PLAA: variants seen among roughly 807,000 people sequenced by gnomAD.
PLAA encodes phospholipase A2 activating protein.
Under a neutral mutation model 84.1 loss-of-function variants are expected in PLAA, and 48 were observed. That is an observed-to-expected ratio of 0.57 (90% CI 0.45 to 0.73). The LOEUF is 0.73. Ranked by LOEUF, PLAA falls within the 30% of genes least tolerant of loss-of-function variation. PLAA has a pLI of 0.00. For missense variants in PLAA, 903 were observed against 954.7 expected (o/e 0.95, Z 0.71); for synonymous variants, 392 against 336.6 (o/e 1.16, Z -1.80).
At chr9:26,921,455 C>G (rs1317191360) in intron 7 of PLAA, among the ~76,000 whole-genome samples, 1 of 152,204 alleles carries the variant, frequency 6.6e-6, no homozygotes, top group Non-Finnish European at 1.5e-5. Context: ...TGGCCTAGTC[C>G]ATCATACTTT....
Position 26,907,526 on chromosome 9 carries a change from C to G in PLAA, c.1822+308G>C, listed in dbSNP as rs12337864. 5.4e-3 allele frequency: 1,436 copies of G among 264,946 alleles called. 17 individuals carry two copies. Among genetic ancestry groups the G allele is most frequent in the African/African-American group, 0.031 (1,319 of 42,818 alleles). 16.4% of individuals were successfully genotyped at this position (264,946 alleles called of 1,614,324 possible). On this transcript the variant is annotated intron_variant, in intron 13 of 13. Transcript: ENST00000397292. ...CTGCACTCCAGCCTGGGCGACAGAG[C>G]AAGACTCCATTTCAAAAACAAAAAC...
rs1295958198 is a variant in PLAA at position 26,904,751 on chromosome 9, C to T, written c.*760G>A. The T allele has an allele frequency of 6.6e-6, 1 of 152,200 alleles. No individual in the cohort carries two copies. Among genetic ancestry groups the T allele is most frequent in the Non-Finnish European group, 1.5e-5 (1 of 67,982 alleles). The allele number at this position is 152,200 out of a possible 1,614,324, so 9.4% of individuals were successfully genotyped here. On this transcript the variant is annotated 3_prime_UTR_variant, in exon 14 of 14. Coordinates refer to ENST00000397292, the MANE Select transcript of PLAA (RefSeq NM_001031689.3). ...GATAAAATTCAACATGTTCCAAATT[C>T]CCTTTGAAATAATGGAAAATGACAA...
At chr9:26,919,614 T>G in intron 8 of PLAA, 85 bp from the exon 9 acceptor site, 1 of 737,814 alleles carries the variant, frequency 1.4e-6, no homozygotes, top group Non-Finnish European at 2.3e-6. Flanking sequence ...ACAGATGTGT[T>G]CTTTAATAAT....
chr9:26,919,119 A>G (rs75690142), intron 9 of PLAA, 191 bp downstream of exon 9: 19,128 of 421,792 alleles, frequency 0.045, 567 homozygotes, highest in South Asian at 0.096. Context: ...AAAGACAACA[A>G]TTTACTATTA....
chr9:26,928,605 GC>G (rs1395101922), intron 2 of PLAA, among the ~76,000 whole-genome samples, 197 bp from the exon 3 acceptor site: 2 of 152,180 alleles, frequency 1.3e-5, no homozygotes, highest in Non-Finnish European at 2.9e-5. Flanking sequence ...TGGGCGCAAG[GC>G]CTAGCTGTGC....
chr9:26,918,087 T>G (rs1229275741), intron 9 of PLAA, among the ~76,000 whole-genome samples: 1 of 152,116 alleles, frequency 6.6e-6, no homozygotes, highest in Non-Finnish European at 1.5e-5. Flanking sequence ...AATTCAGTAG[T>G]AAGTTACTTT....
Position 26,907,591 on chromosome 9 carries a change from C to CA in PLAA, c.1822+242dup, listed in dbSNP as rs879174540. On this transcript the variant is annotated intron_variant, in intron 13 of 13. Transcript: ENST00000397292. ...AAACAAAGAAAACAAACAACAACAA[C>CA]AAAAAAACAAACTGGTGCATATATG... 16 of 413,040 alleles carry CA rather than the reference C, an allele frequency of 3.9e-5. 1 individual carries two copies. Among genetic ancestry groups the CA allele is most frequent in the Middle Eastern group, 6.3e-4 (1 of 1,596 alleles). 25.6% of individuals were successfully genotyped at this position (413,040 alleles called of 1,614,324 possible).
At chr9:26,945,034 A>G (rs1421812120) in intron 1 of PLAA, among the ~76,000 whole-genome samples, 1 of 152,134 alleles carries the variant, frequency 6.6e-6, no homozygotes, top group Non-Finnish European at 1.5e-5. Context: ...GGCTGAGGCA[A>G]GAGAATCGCT....
intron 2 of PLAA, among the ~76,000 whole-genome samples, chr9:26,928,975 A>G (rs1269286645): frequency 6.6e-6 from 1 of 152,122 alleles, no homozygotes; most frequent in Non-Finnish European, 1.5e-5. Context: ...AGGCAGGCGG[A>G]TTGCTTGAGC....
chr9:26,915,058 C>A (rs1824506771), intron 10 of PLAA, among the ~76,000 whole-genome samples: 1 of 151,700 alleles, frequency 6.6e-6, no homozygotes, highest in East Asian at 1.9e-4. Context: ...ACTAAAAATA[C>A]AAAATTAGCT....
chr9:26,936,441 C>G (rs937882816), intron 1 of PLAA, among the ~76,000 whole-genome samples: 3 of 152,204 alleles, frequency 2.0e-5, no homozygotes, highest in African/African-American at 7.2e-5. Context: ...GTTTTCCCAC[C>G]TAGACAACGA....
At chr9:26,931,324 G>A (rs186480777) in intron 2 of PLAA, among the ~76,000 whole-genome samples, 2 of 152,272 alleles carry the variant, frequency 1.3e-5, no homozygotes, top group Non-Finnish European at 2.9e-5. Context: ...ATCAAATGCA[G>A]AAATAATATT....
chr9:26,922,736 G>A (rs1472571603), intron 7 of PLAA, among the ~76,000 whole-genome samples: 1 of 150,874 alleles, frequency 6.6e-6, no homozygotes, highest in South Asian at 2.1e-4. Flanking sequence ...GTGTGGTGTC[G>A]GCTCACCGCA....
At position 26,935,006 on chromosome 9, in the gene PLAA, T is replaced by C. The variant is rs2131412680; in HGVS notation, c.343+7A>G. 1 of 1,564,580 alleles carries C rather than the reference T, an allele frequency of 6.4e-7. No homozygotes were observed. The highest frequency in any genetic ancestry group is 8.7e-7 in the Non-Finnish European group (1 of 1,152,582). On this transcript the variant is annotated splice_region_variant and intron_variant, in intron 2 of 13. Transcript: ENST00000397292. ...ATAGAAAAACACCAAAGCATTATTA[T>C]ACTCACCAGTATTTTTGTGGCCTTT...
rs1825317524 is a variant in PLAA at position 26,935,115 on chromosome 9, G to A, written c.241C>T (p.Pro81Ser). ...CCACCGGTGGCAATTAGGCCATGAG[G>A]GTAGATGTCACTTGAGGGTATGATG... ...VCIIPSSDIY[P>S]HGLIATGGND... Residue 81 changes from proline to serine, a missense_variant, in exon 2 of 14, where the codon CCT becomes TCT. Physicochemically the swap from Pro to Ser is moderately conservative, Grantham distance 74. Transcript: ENST00000397292. 1.9e-6 allele frequency: 3 copies of A among 1,610,184 alleles called. No homozygotes were observed. The South Asian group carries it at 3.3e-5, about 18-fold the overall frequency.
chr9:26,934,972 A>G (rs775072819), intron 2 of PLAA, 41 bp downstream of exon 2: 1 of 1,397,780 alleles, frequency 7.2e-7, no homozygotes, highest in Non-Finnish European at 9.7e-7. Context: ...CAAAGGGATA[A>G]AACTTCAAAT....
At position 26,910,410 on chromosome 9, in the gene PLAA, T is replaced by C; in HGVS notation, c.1585A>G (p.Lys529Glu). 1 of 1,613,274 alleles carries C rather than the reference T, an allele frequency of 6.2e-7. No individual in the cohort carries two copies. The highest frequency in any genetic ancestry group is 8.5e-7 in the Non-Finnish European group (1 of 1,179,460). The change falls in exon 12 of 14, where the codon AAA becomes GAA. Residue 529 changes from lysine (K) to glutamate (E), a missense_variant. Physicochemically the swap from Lys to Glu is moderately conservative, Grantham distance 56. Coordinates refer to ENST00000397292, the MANE Select transcript of PLAA (RefSeq NM_001031689.3). ...GNSAYRSAAS[K>E]TMNIYFPKKE... ...TTAGGGAAATAAATATTCATTGTTT[T>C]AGATGCAGCTGATCGGTAGGCACTA...
intron 2 of PLAA, among the ~76,000 whole-genome samples, chr9:26,933,663 C>T (rs1205786624): frequency 6.6e-6 from 1 of 151,396 alleles, no homozygotes; most frequent in Non-Finnish European, 1.5e-5. Context: ...GTAGCAGGCG[C>T]CTGTAGTCCC....
chr9:26,917,240 T>G (rs1824592901), intron 9 of PLAA, 75 bp from the exon 10 acceptor site: 4 of 1,121,778 alleles, frequency 3.6e-6, no homozygotes, highest in Non-Finnish European at 5.4e-6. Flanking sequence ...ATGCTTGTTT[T>G]AGAAGAACCT....
Sources: allele counts gnomAD v4.1 joint callset (sites outside exome capture counted in the v4.1 genomes callset), GRCh38; gene constraint gnomAD v4.1.1; transcripts MANE v1.5; gene names NCBI Gene and HGNC (gene_info 2026-07-23, HGNC 2026-07-21).